MBD6: variants seen among roughly 807,000 people sequenced by gnomAD.
The protein encoded by MBD6 is methyl-CpG binding domain protein 6.
Under a neutral mutation model 66.8 loss-of-function variants are expected in MBD6, and 22 were observed. That is an observed-to-expected ratio of 0.33 (90% CI 0.24 to 0.47). The LOEUF (loss-of-function observed/expected upper bound fraction) is 0.47, where lower values mean the gene tolerates loss of function less well. MBD6 is among the 20% of genes least tolerant of loss of function. MBD6 has a pLI of 1.00. For synonymous variants in MBD6, 540 were observed against 534.6 expected (o/e 1.01, Z -0.14); for missense variants, 1,322 against 1,286.9 (o/e 1.03, Z -0.42).
chr12:57,526,047 G>C lies in MBD6; in HGVS notation c.1079G>C (p.Arg360Pro). The change falls in exon 6 of 13, where the codon CGT (arginine) becomes CCT (proline). Residue 360 changes from arginine to proline, a missense_variant. Physicochemically the swap from Arg to Pro is moderately radical, Grantham distance 103. Coordinates refer to ENST00000355673, the MANE Select transcript of MBD6 (RefSeq NM_052897.4). ...TCAGCTTCCCACTCCTCATCACTTC[G>C]TCCCTCTCAGCGTCGTCCCCGCAGA... is the stretch of plus-strand genomic sequence containing the variant. ...APSASHSSSL[R>P]PSQRRPRRPP... 2 of 1,612,142 alleles carry C rather than the reference G, an allele frequency of 1.2e-6. No individual in the cohort carries two copies. Among genetic ancestry groups the C allele is most frequent in the Non-Finnish European group, 1.7e-6 (2 of 1,179,582 alleles).
chr12:57,528,400 G>A lies in MBD6; in HGVS notation c.2660G>A (p.Gly887Asp), dbSNP rs1395886678. 1 of 1,612,892 alleles carries A rather than the reference G, an allele frequency of 6.2e-7. No individual in the cohort carries two copies. The highest frequency in any genetic ancestry group is 1.3e-5 in the African/African-American group (1 of 74,940). ...GRKPGSRREP[G>D]RLALKWGTRG... Reference sequence around the variant, plus strand: ...AAGCCTGGCAGCCGGCGGGAGCCTGGCCGACTGGCCCTCAAATGGGGGACA... The same window carrying A: ...AAGCCTGGCAGCCGGCGGGAGCCTGACCGACTGGCCCTCAAATGGGGGACA... The change falls in exon 10 of 13, where the codon GGC becomes GAC. Residue 887 changes from glycine (G) to aspartate (D), a missense_variant. By Grantham distance (94) the Gly-to-Asp change is moderately conservative. Transcript: ENST00000355673.
chr12:57,527,161 C>G lies in MBD6; in HGVS notation c.2016C>G (p.Thr672=). Residue 672 remains threonine, a synonymous_variant, in exon 7 of 13, where the codon ACC becomes ACG. Coordinates refer to ENST00000355673, the MANE Select transcript of MBD6 (RefSeq NM_052897.4). ...LLFPPLSAPP[T]LIALNSALLA... Reference sequence around the variant, plus strand: ...TCCCCCCACTTTCAGCCCCCCCTACCCTCATAGCTTTAAATTCTGCGCTGC... The same window carrying G: ...TCCCCCCACTTTCAGCCCCCCCTACGCTCATAGCTTTAAATTCTGCGCTGC... The G allele has an allele frequency of 6.7e-7, 1 of 1,490,100 alleles. No homozygotes were observed. The highest frequency in any genetic ancestry group is 1.3e-5 in the South Asian group (1 of 77,466). The allele number at this position is 1,490,100 out of a possible 1,614,324, so 92.3% of individuals were successfully genotyped here.
upstream of MBD6, chr12:57,522,715 C>T (rs1380962814): frequency 5.1e-5 from 8 of 156,452 alleles, no homozygotes; most frequent in South Asian, 7.0e-4. Flanking sequence ...CCCGTCCGGG[C>T]AGCGGCGGAG....
In MBD6 at chr12:57,527,016, CT is replaced by C; in HGVS notation, c.1874del (p.Phe625SerfsTer50). The part of the protein sequence containing the change: ...PSAPPSNLLA[S>X]FLPLLALGPT... ...GCACCTCCCAGCAACCTCCTTGCCT[CT>C]TTCCTGCCCCTGTTGGCTCTGGGCC... is the stretch of plus-strand genomic sequence containing the variant. On this transcript the variant is annotated frameshift_variant, in exon 7 of 13. Transcript: ENST00000355673. LOFTEE classifies it high-confidence loss of function. 6.2e-7 allele frequency: 1 copy of C among 1,613,430 alleles called. No individual in the cohort carries two copies. The highest frequency in any genetic ancestry group is 2.2e-5 in the East Asian group (1 of 44,882).
chr12:57,524,012 C>T lies in MBD6; in HGVS notation c.-88-17C>T, dbSNP rs1214637516. Reference sequence around the variant, plus strand: ...GGGCAGACTCCTGACAGTCCCATCTCTCTACTTGCGTTGCAGGTGTGGGCT... The same window carrying T: ...GGGCAGACTCCTGACAGTCCCATCTTTCTACTTGCGTTGCAGGTGTGGGCT... On this transcript the variant is annotated splice_polypyrimidine_tract_variant and intron_variant, in intron 1 of 12. Transcript: ENST00000355673. 4 of 255,710 alleles carry T rather than the reference C, an allele frequency of 1.6e-5. No individual in the cohort carries two copies. Among genetic ancestry groups the T allele is most frequent in the Non-Finnish European group, 3.0e-5 (4 of 133,620 alleles). The allele number at this position is 255,710 out of a possible 1,614,324, so 15.8% of individuals were successfully genotyped here. A position where few individuals can be genotyped will look rare whatever the true frequency, so the allele number is the denominator to read the frequency against.
rs141820775 is a variant in MBD6 at position 57,528,924 on chromosome 12, T to TA, written c.2874-22_2874-21insA. 3,429 of 1,614,162 alleles carry TA rather than the reference T, an allele frequency of 2.1e-3. 15 individuals are homozygous for TA. The Middle Eastern group carries it at 0.022, about 10-fold the overall frequency. On this transcript the variant is annotated intron_variant, in intron 11 of 12. Coordinates refer to ENST00000355673, the MANE Select transcript of MBD6 (RefSeq NM_052897.4). ...CCTGGTGCTTGGGAGCTGTTCCTGATCATCTGTGCCCCTTATTGCAGCCCT... is the reference window on the plus strand; with the variant it reads ...CCTGGTGCTTGGGAGCTGTTCCTGATACATCTGTGCCCCTTATTGCAGCCCT...
rs200356881 is a variant in MBD6 at position 57,528,426 on chromosome 12, C to T, written c.2686C>T (p.Arg896Cys). The change falls in exon 10 of 13, where the codon CGT (arginine) becomes TGT (cysteine). Residue 896 changes from arginine to cysteine, a missense_variant. By Grantham distance (180) the Arg-to-Cys change is radical. Coordinates refer to ENST00000355673, the MANE Select transcript of MBD6 (RefSeq NM_052897.4). ...CCGACTGGCCCTCAAATGGGGGACA[C>T]GTGGTGGCTTCAATGGACAAATGGA... ...PGRLALKWGT[R>C]GGFNGQMERS... 2.4e-5 allele frequency: 39 copies of T among 1,613,478 alleles called. No homozygotes were observed. The highest frequency in any genetic ancestry group is 1.7e-4 in the Middle Eastern group (1 of 6,032).
chr12:57,522,543 A>T (rs1878430037), upstream of MBD6, among the ~76,000 whole-genome samples: 2 of 142,170 alleles, frequency 1.4e-5, no homozygotes, highest in African/African-American at 5.2e-5. Flanking sequence ...GAAGAGGCGC[A>T]GATCCTTCCG....
At position 57,527,425 on chromosome 12, in the gene MBD6, A is replaced by T. The variant is rs867714131; in HGVS notation, c.2083-82A>T. The T allele has an allele frequency of 3.8e-5, 58 of 1,511,250 alleles. No homozygotes were observed. The Middle Eastern group carries it at 6.8e-4, about 18-fold the overall frequency. 93.6% of individuals were successfully genotyped at this position (1,511,250 alleles called of 1,614,324 possible). ...CATGGCCTATCTCACTTGAGGCTTC[A>T]GTCAGATAGTGGATGTGAAAGCACT... is the stretch of plus-strand genomic sequence containing the variant. On this transcript the variant is annotated intron_variant, in intron 7 of 12. Coordinates refer to ENST00000355673, the MANE Select transcript of MBD6 (RefSeq NM_052897.4).
rs932512345 is a variant in MBD6, at chr12:57,529,769, C to G, written c.*535C>G. 1.3e-5 allele frequency: 2 copies of G among 156,152 alleles called. No individual in the cohort carries two copies. The highest frequency in any genetic ancestry group is 4.8e-5 in the African/African-American group (2 of 41,434). 9.7% of individuals were successfully genotyped at this position (156,152 alleles called of 1,614,324 possible). On this transcript the variant is annotated 3_prime_UTR_variant, in exon 13 of 13. Coordinates refer to ENST00000355673, the MANE Select transcript of MBD6 (RefSeq NM_052897.4). Reference sequence around the variant, plus strand: ...GCTCAAAGCACAGATCCTCTCTTACCCCGTCCCCAGGTTTGAAACACATAG... The same window carrying G: ...GCTCAAAGCACAGATCCTCTCTTACGCCGTCCCCAGGTTTGAAACACATAG...
chr12:57,524,858 T>G (rs1487878287), intron 4 of MBD6, 36 bp downstream of exon 4: 14 of 1,613,608 alleles, frequency 8.7e-6, no homozygotes, highest in African/African-American at 1.3e-5. Flanking sequence ...AGTACAGAGA[T>G]AAGCTAAAAG....
rs754270691 is a variant in MBD6 at position 57,525,739 on chromosome 12, C to T, written c.771C>T (p.Asp257=). 1.2e-6 allele frequency: 2 copies of T among 1,614,008 alleles called. No individual in the cohort carries two copies. Among genetic ancestry groups the T allele is most frequent in the South Asian group, 1.1e-5 (1 of 91,084 alleles). The change falls in exon 6 of 13, where the codon GAC becomes GAT. Residue 257 remains aspartate (D), a synonymous_variant. Transcript: ENST00000355673. ...APHASSSPPS[D]PPLFHCSDAL... is the part of the protein sequence containing the mutation. Reference sequence around the variant, plus strand: ...ATGCCTCCTCCTCACCACCTTCAGACCCTCCTCTCTTCCACTGTAGTGATG... The same window carrying T: ...ATGCCTCCTCCTCACCACCTTCAGATCCTCCTCTCTTCCACTGTAGTGATG...
rs1223187886 is a variant in MBD6, at chr12:57,529,585, C to T, written c.*351C>T. On this transcript the variant is annotated 3_prime_UTR_variant, in exon 13 of 13. Transcript: ENST00000355673. ...ACAAATGACTCTTTTATATTTAATTCGATTTCATTGCCTCCCTTCTTAAAG... is the reference window on the plus strand; with the variant it reads ...ACAAATGACTCTTTTATATTTAATTTGATTTCATTGCCTCCCTTCTTAAAG... The T allele has an allele frequency of 3.4e-5, 7 of 208,878 alleles. No homozygotes were observed. Among genetic ancestry groups the T allele is most frequent in the Admixed American group, 1.0e-4 (2 of 19,466 alleles). The allele number at this position is 208,878 out of a possible 1,614,324, so 12.9% of individuals were successfully genotyped here. A position where few individuals can be genotyped will look rare whatever the true frequency, so the allele number is the denominator to read the frequency against.
At chr12:57,528,857 A>C in intron 11 of MBD6, 89 bp from the exon 12 acceptor site, 3 of 1,606,364 alleles carry the variant, frequency 1.9e-6, no homozygotes, top group Non-Finnish European at 2.6e-6. Context: ...TGCCTTTACT[A>C]TCCAAATGTA....
chr12:57,528,697 G>A lies in MBD6; in HGVS notation c.2852G>A (p.Arg951His), dbSNP rs749699755. 2.5e-6 allele frequency: 4 copies of A among 1,614,042 alleles called. No individual in the cohort carries two copies. Among genetic ancestry groups the A allele is most frequent in the Non-Finnish European group, 3.4e-6 (4 of 1,180,024 alleles). The change falls in exon 11 of 13, where the codon CGT (arginine) becomes CAT (histidine). Residue 951 changes from arginine to histidine, a missense_variant. Transcript: ENST00000355673. ...CCGGGAGTAGTCAGAAAGTCTCGTC[G>A]TGGCCGTAGGAGAAAATACAAGTGA... ...VPPGVVRKSR[R>H]GRRRKYNPTR...
intron 7 of MBD6, 118 bp from the exon 8 acceptor site, chr12:57,527,389 T>C: frequency 7.5e-7 from 1 of 1,333,946 alleles, no homozygotes; most frequent in Non-Finnish European, 1.1e-6. Context: ...ATTGGGTCTG[T>C]ATTTAATAAG....
In MBD6 at chr12:57,529,426, CCA is replaced by C. The variant is rs1879388242; in HGVS notation, c.*194_*195del. 36 of 483,226 alleles carry C rather than the reference CCA, an allele frequency of 7.4e-5. No individual in the cohort carries two copies. The highest frequency in any genetic ancestry group is 1.0e-4 in the Non-Finnish European group (28 of 271,064). 29.9% of individuals were successfully genotyped at this position (483,226 alleles called of 1,614,324 possible). A position where few individuals can be genotyped will look rare whatever the true frequency, so the allele number is the denominator to read the frequency against. On this transcript the variant is annotated 3_prime_UTR_variant, in exon 13 of 13. Transcript: ENST00000355673. The stretch of plus-strand genomic sequence containing the variant: ...AGGGGGCAGGGAAGTTCACCCCCCC[CCA>C]CCACCCCCCCGCCCCCCCGAAGCCA...
Position 57,525,857 on chromosome 12 carries a change from C to T in MBD6, c.889C>T (p.Leu297=), listed in dbSNP as rs1352820499. Residue 297 remains leucine (L), a synonymous_variant, in exon 6 of 13, where the codon CTG becomes TTG. Coordinates refer to ENST00000355673, the MANE Select transcript of MBD6 (RefSeq NM_052897.4). ...QPPVSSATMH[L]PLVLGPLGGA... ...ACCAGTGTCTTCAGCCACTATGCAC[C>T]TGCCCCTGGTCCTGGGGCCCCTGGG... 8 of 1,613,560 alleles carry T rather than the reference C, an allele frequency of 5.0e-6. No homozygotes were observed. In the Admixed American group the frequency reaches 1.2e-4, roughly 24 times the overall value.
chr12:57,521,634 G>C (rs1418430781), upstream of MBD6: 1 of 152,230 alleles, frequency 6.6e-6, no homozygotes, highest in East Asian at 1.9e-4. Flanking sequence ...CCCTCAGCCT[G>C]CCAGAAGTCA....
Sources: gnomAD v4.1 joint callset for allele counts (sites outside exome capture counted in the v4.1 genomes callset) on GRCh38, gnomAD v4.1.1 for gene constraint, MANE v1.5 for transcripts, NCBI Gene and HGNC (gene_info 2026-07-23, HGNC 2026-07-21) for gene names.